CLMN: variants seen among roughly 807,000 people sequenced by gnomAD.
CLMN encodes the protein calmin (calponin-like, transmembrane).
CLMN carries 57 observed loss-of-function variants against 92.7 expected under a neutral mutation model. The ratio of observed to expected loss-of-function variants is 0.61; its 90% CI spans 0.50 to 0.77. The LOEUF is 0.77. Ranked by LOEUF, CLMN falls within the 30% of genes least tolerant of loss-of-function variation. The probability of loss-of-function intolerance (pLI) is 0.00; values close to 1 mark genes in which losing one functional copy is unlikely to be tolerated. For missense variants in CLMN, 1,158 were observed against 1,237.5 expected (o/e 0.94, Z 0.96); for synonymous variants, 466 against 470.6 (o/e 0.99, Z 0.13).
At chr14:95,200,776 A>G (rs2098593503) in intron 9 of CLMN, among the ~76,000 whole-genome samples, 1 of 152,040 alleles carries the variant, frequency 6.6e-6, no homozygotes, top group African/African-American at 2.4e-5. Flanking sequence ...TTACACACCA[A>G]TTTCAAACCA....
At chr14:95,245,208 T>TTATA (rs1225641854) in intron 1 of CLMN, among the ~76,000 whole-genome samples, 9 of 19,812 alleles carry the variant, frequency 4.5e-4, no homozygotes, top group Middle Eastern at 0.038. Context: ...TATATATATA[T>TTATA]TATATATATA....
At chr14:95,209,348 A>ATGGAAAT in intron 8 of CLMN, 47 bp downstream of exon 8, 1 of 1,563,064 alleles carries the variant, frequency 6.4e-7, no homozygotes, top group Non-Finnish European at 8.8e-7. Context: ...TGGCCAGCGG[A>ATGGAAAT]TGGAAATGTA....
chr14:95,236,634 T>TG (rs1380693498), intron 1 of CLMN, among the ~76,000 whole-genome samples: 1 of 152,166 alleles, frequency 6.6e-6, no homozygotes, highest in Non-Finnish European at 1.5e-5. Context: ...CAGAGGCCAT[T>TG]GGGGGGCCTG....
Position 95,194,717 on chromosome 14 carries a change from C to A in CLMN, c.2709-121G>T. The A allele has an allele frequency of 1.2e-6, 1 of 843,466 alleles. No individual in the cohort carries two copies. The highest frequency in any genetic ancestry group is 2.0e-6 in the Non-Finnish European group (1 of 501,508). 52.2% of individuals were successfully genotyped at this position (843,466 alleles called of 1,614,324 possible). On this transcript the variant is annotated intron_variant, in intron 10 of 12. Coordinates refer to ENST00000298912, the MANE Select transcript of CLMN (RefSeq NM_024734.4). This position sits in a 1 kb window ranked among gnomAD's most constrained non-coding sequence, Gnocchi z 4.0. ...TTTAGGCAAGCGACAACTTCACAGC[C>A]AGGGACAGAAATGACAGATTTTATA...
chr14:95,317,231 C>T (rs77296892), intron 1 of CLMN, among the ~76,000 whole-genome samples: 7,665 of 152,200 alleles, frequency 0.05, 219 homozygotes, highest in Middle Eastern at 0.082. Flanking sequence ...TCCTGAGTAC[C>T]ACAGGAGCAA....
At chr14:95,314,150 G>C (rs1271771488) in intron 1 of CLMN, among the ~76,000 whole-genome samples, 1 of 152,202 alleles carries the variant, frequency 6.6e-6, no homozygotes, top group Non-Finnish European at 1.5e-5. Context: ...CTCGTTCCTT[G>C]GTACAAACAT....
intron 1 of CLMN, among the ~76,000 whole-genome samples, chr14:95,240,514 G>T (rs1281061962): frequency 6.6e-6 from 1 of 152,070 alleles, no homozygotes; most frequent in African/African-American, 2.4e-5. Flanking sequence ...GGAGTCTGGG[G>T]TCCCATGTCT....
chr14:95,240,983 C>G (rs183681444), intron 1 of CLMN, among the ~76,000 whole-genome samples: 1 of 151,954 alleles, frequency 6.6e-6, no homozygotes, highest in Admixed American at 6.6e-5. Context: ...GGCTCAAGTG[C>G]GGAAGAAAGG....
At chr14:95,230,918 C>A (rs889193573) in intron 1 of CLMN, among the ~76,000 whole-genome samples, 20 of 152,240 alleles carry the variant, frequency 1.3e-4, no homozygotes, top group African/African-American at 4.8e-4. Context: ...GGAATGGACC[C>A]CTTCTCCCAG....
chr14:95,297,557 T>C (rs892354921), intron 1 of CLMN, among the ~76,000 whole-genome samples: 7 of 152,178 alleles, frequency 4.6e-5, no homozygotes, highest in African/African-American at 1.4e-4. Context: ...CATCCATTTT[T>C]TGTCCTGATA....
intron 1 of CLMN, among the ~76,000 whole-genome samples, chr14:95,299,889 C>A (rs1362590145): frequency 2.0e-5 from 3 of 152,198 alleles, no homozygotes; most frequent in Non-Finnish European, 1.5e-5. Flanking sequence ...TGCCAAGTGA[C>A]AGGAGTTTGG....
chr14:95,235,158 A>C (rs908154437), intron 1 of CLMN, among the ~76,000 whole-genome samples: 14 of 152,156 alleles, frequency 9.2e-5, no homozygotes, highest in Middle Eastern at 3.2e-3. Flanking sequence ...ACATGTACTC[A>C]TGTATACAAT....
chr14:95,244,689 T>C (rs1275001474), intron 1 of CLMN, among the ~76,000 whole-genome samples: 3 of 152,190 alleles, frequency 2.0e-5, no homozygotes. Flanking sequence ...AAAACTGTTC[T>C]TTGACACAGG....
Position 95,256,599 on chromosome 14 carries a change from C to G in CLMN, c.83-26466G>C, listed in dbSNP as rs1899008692. Among the ~76,000 whole-genome samples the G allele has an allele frequency of 6.6e-6, 1 of 152,214 alleles. No homozygotes were observed. The highest frequency in any genetic ancestry group is 6.5e-5 in the Admixed American group (1 of 15,286). On this transcript the variant is annotated intron_variant, in intron 1 of 12. Coordinates refer to ENST00000298912, the MANE Select transcript of CLMN (RefSeq NM_024734.4). This position sits in a 1 kb window ranked among gnomAD's most constrained non-coding sequence, Gnocchi z 4.9. ...TCTGCACAACCGCCTCGTCAATACC[C>G]ATCCCACGTGGAACTGTGCAAGACA...
intron 4 of CLMN, among the ~76,000 whole-genome samples, chr14:95,221,317 A>G (rs1489257936): frequency 6.6e-6 from 1 of 152,056 alleles, no homozygotes; most frequent in Non-Finnish European, 1.5e-5. Context: ...TTCTTCTCCC[A>G]TATTCTAAGT....
chr14:95,265,624 G>T (rs1439467827), intron 1 of CLMN, among the ~76,000 whole-genome samples: 1 of 152,206 alleles, frequency 6.6e-6, no homozygotes, highest in Non-Finnish European at 1.5e-5. Flanking sequence ...CAGACCATCT[G>T]TGAGTATTTG....
At chr14:95,276,734 T>A (rs1399885520) in intron 1 of CLMN, among the ~76,000 whole-genome samples, 3 of 152,156 alleles carry the variant, frequency 2.0e-5, no homozygotes, top group African/African-American at 7.2e-5. Context: ...TTGAATGGAT[T>A]AAAGACAACA....
chr14:95,265,372 AG>A (rs1435819324), intron 1 of CLMN, among the ~76,000 whole-genome samples: 2 of 152,236 alleles, frequency 1.3e-5, no homozygotes, highest in African/African-American at 4.8e-5. Flanking sequence ...GAATTCTGCC[AG>A]CAGGTGCCTT....
chr14:95,300,184 C>T (rs1306152253), intron 1 of CLMN, among the ~76,000 whole-genome samples: 1 of 152,180 alleles, frequency 6.6e-6, no homozygotes, highest in African/African-American at 2.4e-5. Flanking sequence ...GCCAGGCTCC[C>T]AGAGGTGGCT....
Sources: gnomAD v4.1 joint callset for allele counts (sites outside exome capture counted in the v4.1 genomes callset) on GRCh38, gnomAD v4.1.1 for gene constraint, Gnocchi (gnomAD v3.1) non-coding constraint, MANE v1.5 for transcripts, NCBI Gene and HGNC (gene_info 2026-07-23, HGNC 2026-07-21) for gene names.